Variants in SORCS3 observed in about 807,000 individuals in gnomAD.
SORCS3 encodes VPS10 domain-containing receptor SorCS3.
SORCS3 carries 57 observed loss-of-function variants against 146.3 expected under a neutral mutation model. The observed-to-expected ratio is 0.39, with a 90% confidence interval of 0.31 to 0.49. The LOEUF (loss-of-function observed/expected upper bound fraction) is 0.49. Among genes scored for constraint, SORCS3 ranks in the 20% least tolerant of loss-of-function variants. The pLI is 0.92. For missense variants in SORCS3, 1,341 were observed against 1,575.5 expected, an observed-to-expected ratio of 0.85 and a Z score of 2.52; for synonymous variants, 653 against 618.5, an observed-to-expected ratio of 1.06 and a Z score of -0.83.
At chr10:104,771,367 T>C (rs1358648253) in intron 1 of SORCS3, among the ~76,000 whole-genome samples, 2 of 152,224 alleles carry the variant, frequency 1.3e-5, no homozygotes, top group Non-Finnish European at 2.9e-5. Context: ...GTGAGAAAGA[T>C]GGGCCCCTGT....
intron 7 of SORCS3, among the ~76,000 whole-genome samples, chr10:105,119,677 G>A (rs1278029807): frequency 6.6e-6 from 1 of 152,164 alleles, no homozygotes. Context: ...GATCATTTTG[G>A]AACTTTAAGG....
At chr10:104,982,131 G>T (rs901773657) in intron 4 of SORCS3, among the ~76,000 whole-genome samples, 1 of 152,186 alleles carries the variant, frequency 6.6e-6, no homozygotes, top group African/African-American at 2.4e-5. Context: ...CGGATTGACA[G>T]ACTGGTTAAG....
chr10:105,133,460 C>T (rs900439302), intron 7 of SORCS3, among the ~76,000 whole-genome samples: 2 of 152,188 alleles, frequency 1.3e-5, no homozygotes, highest in South Asian at 2.1e-4. Flanking sequence ...CAGATGTAGG[C>T]GAGGGTTAGA....
intron 7 of SORCS3, among the ~76,000 whole-genome samples, chr10:105,122,204 G>C (rs763916204): frequency 1.1e-3 from 161 of 152,268 alleles, no homozygotes; most frequent in African/African-American, 3.7e-3. Context: ...TCCCATTACC[G>C]CTCTAATTAG....
At chr10:105,211,477 A>G (rs902605691) in intron 17 of SORCS3, among the ~76,000 whole-genome samples, 4 of 152,224 alleles carry the variant, frequency 2.6e-5, no homozygotes, top group Admixed American at 6.5e-5. Context: ...ATATTTGCTT[A>G]TGATAGACCA....
chr10:105,063,372 A>G (rs73342294), intron 5 of SORCS3, among the ~76,000 whole-genome samples: 8,975 of 152,270 alleles, frequency 0.059, 288 homozygotes, highest in Middle Eastern at 0.088. Flanking sequence ...CCCCAGGGAG[A>G]TAAAGTGACT....
intron 4 of SORCS3, among the ~76,000 whole-genome samples, chr10:104,994,675 CT>C (rs1421391302): frequency 2.0e-5 from 3 of 152,100 alleles, no homozygotes; most frequent in Non-Finnish European, 4.4e-5. Context: ...AGTTTGCATT[CT>C]CTAGAATTTC....
chr10:104,699,225 G>C (rs2016252406), intron 1 of SORCS3, among the ~76,000 whole-genome samples: 1 of 152,168 alleles, frequency 6.6e-6, no homozygotes, highest in African/African-American at 2.4e-5. Flanking sequence ...GGGTGTCCCA[G>C]ATTTCCTAGT....
chr10:105,052,403 A>G (rs1201891691), intron 5 of SORCS3, among the ~76,000 whole-genome samples: 1 of 152,142 alleles, frequency 6.6e-6, no homozygotes, highest in Non-Finnish European at 1.5e-5. Context: ...TTCCACCCAG[A>G]TGATTATGCA....
intron 11 of SORCS3, among the ~76,000 whole-genome samples, chr10:105,161,374 G>T (rs1310001261): frequency 6.6e-6 from 1 of 152,152 alleles, no homozygotes; most frequent in African/African-American, 2.4e-5. Flanking sequence ...CATGGAGCCT[G>T]CCCCTGCAGG....
chr10:104,867,166 C>T (rs908170030), intron 2 of SORCS3, among the ~76,000 whole-genome samples: 7 of 147,678 alleles, frequency 4.7e-5, no homozygotes, highest in Non-Finnish European at 1.0e-4. Flanking sequence ...GCTAGTGCTG[C>T]AGGGTGGTGT....
chr10:104,950,618 T>C (rs1232719395), intron 3 of SORCS3, among the ~76,000 whole-genome samples: 1 of 152,136 alleles, frequency 6.6e-6, no homozygotes, highest in Non-Finnish European at 1.5e-5. Context: ...TTGGAGAAAA[T>C]CTACTGGAAA....
chr10:104,661,768 T>C (rs568561175), intron 1 of SORCS3, among the ~76,000 whole-genome samples: 1 of 152,372 alleles, frequency 6.6e-6, no homozygotes, highest in African/African-American at 2.4e-5. Flanking sequence ...AACAAATTCC[T>C]AATTGCACTT....
intron 7 of SORCS3, among the ~76,000 whole-genome samples, chr10:105,129,693 A>G (rs991618047): frequency 6.6e-6 from 1 of 151,920 alleles, no homozygotes; most frequent in South Asian, 2.1e-4. Context: ...ACACACAAAT[A>G]GGAAAGAGAA....
intron 1 of SORCS3, among the ~76,000 whole-genome samples, chr10:104,654,008 A>C (rs566940873): frequency 3.3e-5 from 5 of 151,846 alleles, no homozygotes; most frequent in Non-Finnish European, 7.4e-5. Flanking sequence ...GCATGGGTTC[A>C]GTTGTTTTCA....
At chr10:105,065,293 T>C (rs1589615789) in intron 5 of SORCS3, among the ~76,000 whole-genome samples, 1 of 152,184 alleles carries the variant, frequency 6.6e-6, no homozygotes, top group Admixed American at 6.5e-5. Flanking sequence ...TGGGTGCTGG[T>C]TCACAAACTG....
At chr10:105,218,440 G>T (rs1187585405) in intron 19 of SORCS3, among the ~76,000 whole-genome samples, 3 of 152,236 alleles carry the variant, frequency 2.0e-5, no homozygotes, top group Non-Finnish European at 4.4e-5. Context: ...AGGTAACAAT[G>T]CAGATATGGC....
chr10:104,938,770 G>A (rs2019284264), intron 3 of SORCS3, among the ~76,000 whole-genome samples: 1 of 152,210 alleles, frequency 6.6e-6, no homozygotes, highest in South Asian at 2.1e-4. Context: ...ATGCATCATA[G>A]TGCCTGGCAT....
At chr10:105,088,181 C>A (rs1376904773) in intron 5 of SORCS3, among the ~76,000 whole-genome samples, 1 of 152,168 alleles carries the variant, frequency 6.6e-6, no homozygotes, top group African/African-American at 2.4e-5. Flanking sequence ...CTAATTTTGG[C>A]CTAGTCCCTG....
Sources: allele counts gnomAD v4.1 joint callset (sites outside exome capture counted in the v4.1 genomes callset), GRCh38; gene constraint gnomAD v4.1.1; transcripts MANE v1.5; gene names NCBI Gene and HGNC (gene_info 2026-07-23, HGNC 2026-07-21).